Variants in FHIT observed in about 807,000 individuals in gnomAD.
FHIT encodes bis(5'-adenosyl)-triphosphatase.
FHIT carries 19 observed loss-of-function variants against 17.9 expected under a neutral mutation model. The observed-to-expected ratio is 1.06, with a 90% CI of 0.74 to 1.56. FHIT has a LOEUF of 1.56. Among genes scored for constraint, FHIT ranks in the 40% most tolerant of loss-of-function variants. The probability of loss-of-function intolerance (pLI) is 0.00; values close to 1 mark genes in which losing one functional copy is unlikely to be tolerated. For synonymous variants in FHIT, 81 were observed against 69.7 expected, an observed-to-expected ratio of 1.16 and a Z score of -0.81; for missense variants, 248 against 189.2, an observed-to-expected ratio of 1.31 and a Z score of -1.82.
chr3:60,452,700 T>C (rs2031828187), intron 5 of FHIT, among the ~76,000 whole-genome samples: 1 of 152,198 alleles, frequency 6.6e-6, no homozygotes, highest in South Asian at 2.1e-4. Flanking sequence ...ATTTGCTCAA[T>C]AACCCCTGTC....
chr3:60,652,506 GGCGGATCAT>G lies in FHIT; in HGVS notation c.-17-115536_-17-115528del, dbSNP rs1334599075. On this transcript the variant is annotated intron_variant, in intron 4 of 9. Coordinates refer to ENST00000492590, the MANE Select transcript of FHIT (RefSeq NM_002012.4). The stretch of plus-strand genomic sequence containing the variant: ...CCCAGCACTTTGGGAGGCCCAGGAG[GGCGGATCAT>G]GAGGTCAGGATATCGAGACCATCCT... Among the ~76,000 whole-genome samples the G allele has an allele frequency of 2.5e-4, 38 of 152,084 alleles. 1 individual carries two copies. Among genetic ancestry groups the G allele is most frequent in the Non-Finnish European group, 1.0e-4 (7 of 68,016 alleles).
chr3:60,424,135 T>C (rs1452142170), intron 5 of FHIT, among the ~76,000 whole-genome samples: 1 of 152,152 alleles, frequency 6.6e-6, no homozygotes, highest in Non-Finnish European at 1.5e-5. Flanking sequence ...TTACTACTTT[T>C]ATTTTACTGA....
chr3:60,355,204 T>G (rs1016928189), intron 5 of FHIT, among the ~76,000 whole-genome samples: 1 of 152,292 alleles, frequency 6.6e-6, no homozygotes, highest in East Asian at 1.9e-4. Flanking sequence ...TGGAACAAAA[T>G]AGTTAGGCTA....
chr3:60,626,783 C>CTTTTTTTTTT (rs71627548), intron 4 of FHIT, among the ~76,000 whole-genome samples: 3 of 85,952 alleles, frequency 3.5e-5, no homozygotes, highest in Admixed American at 2.5e-4. Context: ...GGGGAAAACA[C>CTTTTTTTTTT]TCTTTTTTTT....
intron 4 of FHIT, among the ~76,000 whole-genome samples, chr3:60,792,555 C>T (rs1280295774): frequency 6.6e-6 from 1 of 152,208 alleles, no homozygotes; most frequent in Non-Finnish European, 1.5e-5. Context: ...TGCTGGCTCA[C>T]ACTGACAACC....
rs181335040 is a variant in FHIT at position 60,543,643 on chromosome 3, A to G, written c.-17-6664T>C. ...TCATAGTTTATAATTAGTTACTCCC[A>G]ATACAGCAGAAAGCTATTGATTTTT... On this transcript the variant is annotated intron_variant, in intron 4 of 9. Transcript: ENST00000492590. Among the ~76,000 whole-genome samples the G allele has an allele frequency of 1.7e-4, 26 of 152,296 alleles. No individual in the cohort carries two copies. The East Asian group carries it at 2.7e-3, about 16-fold the overall frequency.
chr3:60,559,764 G>A (rs373528428), intron 4 of FHIT, among the ~76,000 whole-genome samples: 5 of 93,498 alleles, frequency 5.3e-5, no homozygotes, highest in African/African-American at 1.6e-4. Context: ...TCCCTCTTAC[G>A]GGCACTTACA....
chr3:60,818,720 A>G (rs1365977040), intron 4 of FHIT, among the ~76,000 whole-genome samples: 4 of 152,158 alleles, frequency 2.6e-5, no homozygotes, highest in Admixed American at 2.6e-4. Flanking sequence ...GTGTTTATAT[A>G]CAGATTTGGG....
At chr3:59,779,070 T>A (rs1702457755) in intron 8 of FHIT, among the ~76,000 whole-genome samples, 1 of 152,184 alleles carries the variant, frequency 6.6e-6, no homozygotes, top group Non-Finnish European at 1.5e-5. Flanking sequence ...TGTACTGATT[T>A]AAGTTTAAGC....
At chr3:60,845,689 C>T (rs1702903726) in intron 3 of FHIT, among the ~76,000 whole-genome samples, 1 of 152,138 alleles carries the variant, frequency 6.6e-6, no homozygotes. Flanking sequence ...CTTCAGTTAC[C>T]TTTACATGTC....
At position 59,942,651 on chromosome 3, in the gene FHIT, CT is replaced by C. The variant is rs562030071; in HGVS notation, c.280-20238del. Among the ~76,000 whole-genome samples, 897 of 152,046 alleles carry C rather than the reference CT, an allele frequency of 5.9e-3. 4 individuals are homozygous for C. The highest frequency in any genetic ancestry group is 0.02 in the African/African-American group (834 of 41,492). ...GCTGTCTGGATTACAGCCCTTAGTT[CT>C]TTTTTTATTTTTTAGAGACACGGTC... On this transcript the variant is annotated intron_variant, in intron 7 of 9. Coordinates refer to ENST00000492590, the MANE Select transcript of FHIT (RefSeq NM_002012.4).
chr3:60,664,980 A>G (rs1293835240), intron 4 of FHIT, among the ~76,000 whole-genome samples: 5 of 151,380 alleles, frequency 3.3e-5, no homozygotes, highest in African/African-American at 1.2e-4. Context: ...TATCCTTATT[A>G]TTTCCTCTGT....
At chr3:60,516,342 G>T (rs994863872) in intron 5 of FHIT, among the ~76,000 whole-genome samples, 1 of 152,196 alleles carries the variant, frequency 6.6e-6, no homozygotes, top group African/African-American at 2.4e-5. Flanking sequence ...CTTGATAGAA[G>T]ATAATTGCAT....
At chr3:61,170,967 G>A (rs1050670100) in intron 2 of FHIT, among the ~76,000 whole-genome samples, 1 of 152,024 alleles carries the variant, frequency 6.6e-6, no homozygotes, top group African/African-American at 2.4e-5. Flanking sequence ...AATACCAATG[G>A]GATTATCAGA....
intron 4 of FHIT, among the ~76,000 whole-genome samples, chr3:60,688,594 G>C (rs1378965693): frequency 6.6e-6 from 1 of 151,862 alleles, no homozygotes; most frequent in Non-Finnish European, 1.5e-5. Context: ...ACAAGGCCAG[G>C]CTAATTTTTG....
chr3:60,323,304 A>C (rs1025469307), intron 5 of FHIT, among the ~76,000 whole-genome samples: 1 of 152,116 alleles, frequency 6.6e-6, no homozygotes, highest in Non-Finnish European at 1.5e-5. Context: ...AAATTTTCCC[A>C]TTATTTTCAC....
intron 2 of FHIT, among the ~76,000 whole-genome samples, chr3:61,075,352 C>A (rs1327794338): frequency 6.6e-6 from 1 of 152,080 alleles, no homozygotes; most frequent in Non-Finnish European, 1.5e-5. Flanking sequence ...AATAAACATA[C>A]ATGCACATAC....
At chr3:59,985,472 ATAAAGTG>A (rs1452106384) in intron 7 of FHIT, among the ~76,000 whole-genome samples, 7 of 152,164 alleles carry the variant, frequency 4.6e-5, no homozygotes, top group Non-Finnish European at 5.9e-5. Context: ...ATTCCAAAAA[ATAAAGTG>A]TAAGTAAGTA....
intron 5 of FHIT, among the ~76,000 whole-genome samples, chr3:60,410,375 G>C (rs776823292): frequency 8.5e-5 from 13 of 152,134 alleles, no homozygotes; most frequent in Non-Finnish European, 1.9e-4. Context: ...AGACAAGCTG[G>C]TTACATTGGA....
Sources: gnomAD v4.1 joint callset for allele counts (sites outside exome capture counted in the v4.1 genomes callset) on GRCh38, gnomAD v4.1.1 for gene constraint, MANE v1.5 for transcripts, NCBI Gene and HGNC (gene_info 2026-07-23, HGNC 2026-07-21) for gene names.